The following KCNH8 variants were observed in gnomAD, a reference collection of about 807,000 sequenced individuals.
The protein encoded by KCNH8 is voltage-gated delayed rectifier potassium channel KCNH8.
A neutral mutation model predicts 103.6 loss-of-function variants in KCNH8; 70 were observed. The ratio of observed to expected loss-of-function variants is 0.68; its 90% CI spans 0.56 to 0.82. The LOEUF is 0.82. Among genes scored for constraint, KCNH8 ranks in the 40% least tolerant of loss-of-function variants. The probability of loss-of-function intolerance (pLI) is 0.00; values close to 1 mark genes in which losing one functional copy is unlikely to be tolerated. For synonymous variants in KCNH8, 498 were observed against 489.4 expected, an observed-to-expected ratio of 1.02 and a Z score of -0.23; for missense variants, 1,217 against 1,329.9, an observed-to-expected ratio of 0.92 and a Z score of 1.32.
At chr3:19,411,850 C>T (rs2066785643) in intron 7 of KCNH8, among the ~76,000 whole-genome samples, 2 of 151,528 alleles carry the variant, frequency 1.3e-5, no homozygotes, top group South Asian at 4.2e-4. Flanking sequence ...AGGAGAATTA[C>T]AAAACACTAT....
intron 5 of KCNH8, among the ~76,000 whole-genome samples, chr3:19,376,623 C>G (rs779565139): frequency 2.9e-4 from 44 of 152,332 alleles, no homozygotes; most frequent in Non-Finnish European, 4.7e-4. Context: ...TGGCTCCTCT[C>G]CCTGTATACA....
intron 5 of KCNH8, among the ~76,000 whole-genome samples, chr3:19,370,944 A>AT (rs545759414): frequency 0.016 from 2,479 of 151,990 alleles, 33 homozygotes; most frequent in South Asian, 0.049. Flanking sequence ...TGAACTCATC[A>AT]TTTTTTATGG....
intron 1 of KCNH8, among the ~76,000 whole-genome samples, chr3:19,196,444 A>G (rs2063603009): frequency 6.6e-6 from 1 of 151,532 alleles, no homozygotes; most frequent in Non-Finnish European, 1.5e-5. Context: ...ACTTTTACTC[A>G]GTGAAAGACT....
intron 2 of KCNH8, among the ~76,000 whole-genome samples, chr3:19,268,010 A>G (rs1039667565): frequency 1.3e-5 from 2 of 152,174 alleles, no homozygotes; most frequent in Non-Finnish European, 2.9e-5. Flanking sequence ...TAGTATTACT[A>G]TTACAAAGTT....
At chr3:19,235,580 A>T (rs1391229155) in intron 1 of KCNH8, among the ~76,000 whole-genome samples, 1 of 152,192 alleles carries the variant, frequency 6.6e-6, no homozygotes, top group Non-Finnish European at 1.5e-5. Flanking sequence ...AATTTTGGTC[A>T]CATTACTCTC....
At chr3:19,219,018 T>C (rs2063844567) in intron 1 of KCNH8, among the ~76,000 whole-genome samples, 1 of 152,224 alleles carries the variant, frequency 6.6e-6, no homozygotes, top group Admixed American at 6.5e-5. Context: ...CTTCAACATA[T>C]GAATTTGGAC....
At chr3:19,445,097 G>A (rs1284271595) in intron 8 of KCNH8, among the ~76,000 whole-genome samples, 1 of 151,888 alleles carries the variant, frequency 6.6e-6, no homozygotes, top group Non-Finnish European at 1.5e-5. Context: ...GAATAAATAA[G>A]TAAATTGTGA....
intron 5 of KCNH8, among the ~76,000 whole-genome samples, chr3:19,381,826 A>G (rs1167641302): frequency 1.3e-5 from 2 of 152,310 alleles, no homozygotes; most frequent in African/African-American, 4.8e-5. Flanking sequence ...GCCAGTGTCT[A>G]TTAAACTAGA....
intron 11 of KCNH8, among the ~76,000 whole-genome samples, chr3:19,463,363 T>C (rs2067672589): frequency 6.6e-6 from 1 of 152,050 alleles, no homozygotes; most frequent in African/African-American, 2.4e-5. Context: ...ATAAAGTTAA[T>C]AGAGGACAAA....
intron 1 of KCNH8, among the ~76,000 whole-genome samples, chr3:19,175,531 T>C (rs1057321720): frequency 7.2e-5 from 11 of 152,176 alleles, no homozygotes; most frequent in Non-Finnish European, 1.5e-4. Flanking sequence ...ATTTTATCGG[T>C]CATGCTTTTT....
chr3:19,249,161 A>G (rs1285295183), intron 1 of KCNH8, among the ~76,000 whole-genome samples: 2 of 152,246 alleles, frequency 1.3e-5, no homozygotes, highest in Non-Finnish European at 2.9e-5. Flanking sequence ...GGATAGTGAT[A>G]TACCCATGAT....
chr3:19,258,552 G>A (rs1198468903), intron 2 of KCNH8, among the ~76,000 whole-genome samples: 1 of 151,990 alleles, frequency 6.6e-6, no homozygotes, highest in Non-Finnish European at 1.5e-5. Flanking sequence ...TGAAACACTG[G>A]ATTCTAACTA....
At chr3:19,231,527 T>G (rs749464028) in intron 1 of KCNH8, among the ~76,000 whole-genome samples, 3 of 152,202 alleles carry the variant, frequency 2.0e-5, no homozygotes, top group Non-Finnish European at 4.4e-5. Flanking sequence ...ATAGTAAATT[T>G]ATATATTGAA....
In KCNH8 at chr3:19,533,681, G is replaced by A. The variant is rs756348695; in HGVS notation, c.2906G>A (p.Ser969Asn). The change falls in exon 16 of 16, where the codon AGC (serine) becomes AAC (asparagine). Residue 969 changes from serine (S) to asparagine (N), a missense_variant. Coordinates refer to ENST00000328405, the MANE Select transcript of KCNH8 (RefSeq NM_144633.3). ...GTGGATCCCTCCTCTGTGGGGAGCA[G>A]CCCCCAACGAACTGGAGCTCATGAG... ...WSVDPSSVGS[S>N]PQRTGAHEQN... The A allele has an allele frequency of 3.1e-6, 5 of 1,613,820 alleles. No homozygotes were observed. Among genetic ancestry groups the A allele is most frequent in the Non-Finnish European group, 4.2e-6 (5 of 1,179,958 alleles).
intron 15 of KCNH8, among the ~76,000 whole-genome samples, chr3:19,526,412 A>G (rs2069065407): frequency 6.6e-6 from 1 of 152,020 alleles, no homozygotes; most frequent in African/African-American, 2.4e-5. Flanking sequence ...CGTATGTAAA[A>G]TGAAGTAAAG....
chr3:19,353,437 G>A lies in KCNH8; in HGVS notation c.811+5472G>A, dbSNP rs577405747. Among the ~76,000 whole-genome samples the A allele has an allele frequency of 1.8e-3, 277 of 152,128 alleles. 1 individual carries two copies. Among genetic ancestry groups the A allele is most frequent in the African/African-American group, 6.5e-3 (270 of 41,518 alleles). On this transcript the variant is annotated intron_variant, in intron 5 of 15. Coordinates refer to ENST00000328405, the MANE Select transcript of KCNH8 (RefSeq NM_144633.3). ...CTGGCAGAGACAAAACAAAAAAAGAGAATTTTAGATCAATATCCCTGATGC... is the reference window on the plus strand; with the variant it reads ...CTGGCAGAGACAAAACAAAAAAAGAAAATTTTAGATCAATATCCCTGATGC...
chr3:19,305,184 A>T (rs1559468448), intron 3 of KCNH8, among the ~76,000 whole-genome samples: 1 of 152,164 alleles, frequency 6.6e-6, no homozygotes, highest in Admixed American at 6.6e-5. Context: ...GAGCTAGAAG[A>T]CAGTAGAGCA....
At chr3:19,253,968 C>A in intron 2 of KCNH8, 81 bp downstream of exon 2, 1 of 929,906 alleles carries the variant, frequency 1.1e-6, no homozygotes, top group East Asian at 2.5e-5. Context: ...CCGCAACTCC[C>A]ATTAAGGCTT....
intron 1 of KCNH8, among the ~76,000 whole-genome samples, chr3:19,210,158 T>C (rs766506412): frequency 6.6e-6 from 1 of 152,158 alleles, no homozygotes; most frequent in Non-Finnish European, 1.5e-5. Flanking sequence ...GAAAGCCATT[T>C]AATTTCCATT....
Sources: gnomAD v4.1 joint callset for allele counts (sites outside exome capture counted in the v4.1 genomes callset) on GRCh38, gnomAD v4.1.1 for gene constraint, MANE v1.5 for transcripts, NCBI Gene and HGNC (gene_info 2026-07-23, HGNC 2026-07-21) for gene names.